ZNF831: variants seen among roughly 807,000 people sequenced by gnomAD.
The protein encoded by ZNF831 is chromosome 20 open reading frame 174.
Under a neutral mutation model 95.8 loss-of-function variants are expected in ZNF831, and 59 were observed. The observed-to-expected ratio is 0.62, with a 90% CI of 0.50 to 0.77. ZNF831 has a LOEUF of 0.77. Among genes scored for constraint, ZNF831 ranks in the 30% least tolerant of loss-of-function variants. The pLI, the probability that ZNF831 is intolerant of heterozygous loss-of-function variation, is 0.00. For missense variants in ZNF831, 2,205 were observed against 2,164.0 expected, an observed-to-expected ratio of 1.02 and a Z score of -0.38; for synonymous variants, 961 against 925.5, an observed-to-expected ratio of 1.04 and a Z score of -0.70.
intron 4 of ZNF831, among the ~76,000 whole-genome samples, chr20:59,230,398 G>A (rs1379236823): frequency 6.6e-6 from 1 of 152,122 alleles, no homozygotes; most frequent in Non-Finnish European, 1.5e-5. Context: ...CTTGAACCCA[G>A]GAGATGGAGG....
chr20:59,164,729 A>G (rs1395386615), intron 1 of ZNF831, among the ~76,000 whole-genome samples: 1 of 152,216 alleles, frequency 6.6e-6, no homozygotes, highest in Non-Finnish European at 1.5e-5. Flanking sequence ...GAGATTTACA[A>G]GGGCCAATAG....
intron 4 of ZNF831, among the ~76,000 whole-genome samples, chr20:59,222,473 G>C (rs961149066): frequency 6.6e-6 from 1 of 151,916 alleles, no homozygotes; most frequent in Non-Finnish European, 1.5e-5. Flanking sequence ...GAGAAGAAAG[G>C]CTCTGTTTTT....
At position 59,124,178 on chromosome 20, in the gene ZNF831, C is replaced by T. The variant is rs192534788; in HGVS notation, c.-1425+673C>T. On this transcript the variant is annotated intron_variant, in intron 1 of 7. Transcript: ENST00000637017. ...CTTCCTATGGCCGTTTCTTTTCCCT[C>T]GGTTCTGAACGGGAGGAGGACACTG... Among the ~76,000 whole-genome samples, 268 of 152,252 alleles carry T rather than the reference C, an allele frequency of 1.8e-3. 2 individuals are homozygous for T. The highest frequency in any genetic ancestry group is 5.9e-3 in the African/African-American group (245 of 41,556).
intron 2 of ZNF831, among the ~76,000 whole-genome samples, chr20:59,150,360 G>T (rs554642809): frequency 2.4e-4 from 36 of 152,284 alleles, no homozygotes; most frequent in South Asian, 1.4e-3. Flanking sequence ...TGGACCTCGG[G>T]TCACAGGTAG....
chr20:59,158,158 T>A (rs1460411485), intron 2 of ZNF831, among the ~76,000 whole-genome samples: 1 of 152,182 alleles, frequency 6.6e-6, no homozygotes, highest in African/African-American at 2.4e-5. Flanking sequence ...CCTCAGGCGC[T>A]TTCATTATCT....
intron 3 of ZNF831, among the ~76,000 whole-genome samples, chr20:59,201,327 GTTGT>G (rs1984519241): frequency 1.3e-5 from 2 of 152,078 alleles, no homozygotes; most frequent in Non-Finnish European, 2.9e-5. Context: ...TCAAAAATGG[GTTGT>G]TTTCTTATTG....
At chr20:59,163,018 TGTGTGTGTGTGTG>T (rs1980976600), upstream of ZNF831, among the ~76,000 whole-genome samples, 6 of 136,100 alleles carry the variant, frequency 4.4e-5, no homozygotes, top group South Asian at 4.5e-4. Context: ...TTCCTAGGTG[TGTGTGTGTGTGTG>T]TGTGTGTGTG....
intron 2 of ZNF831, among the ~76,000 whole-genome samples, chr20:59,148,437 T>A (rs1157166416): frequency 8.6e-6 from 1 of 116,668 alleles, no homozygotes; most frequent in African/African-American, 3.4e-5. Flanking sequence ...ATCCCAGCAC[T>A]TTGGGAGGCC....
Position 59,193,836 on chromosome 20 carries a change from C to T in ZNF831, c.2817C>T (p.Pro939=), listed in dbSNP as rs550070909. 1.7e-5 allele frequency: 27 copies of T among 1,613,324 alleles called. No individual in the cohort carries two copies. The East Asian group carries it at 5.8e-4, about 35-fold the overall frequency. ...CCCTGGCAGATAATGCCTTTTCCCCCAAGTACCTCCTCAGGTTACCTCAGG... is the reference window on the plus strand; with the variant it reads ...CCCTGGCAGATAATGCCTTTTCCCCTAAGTACCTCCTCAGGTTACCTCAGG... ...LSALADNAFS[P]KYLLRLPQAE... The change falls in exon 2 of 6, where the codon CCC becomes CCT. Residue 939 remains proline (P), a synonymous_variant. Coordinates refer to ENST00000371030, the MANE Select transcript of ZNF831 (RefSeq NM_178457.3).
intron 4 of ZNF831, among the ~76,000 whole-genome samples, chr20:59,220,120 T>G (rs2146670478): frequency 6.6e-6 from 1 of 152,274 alleles, no homozygotes; most frequent in East Asian, 1.9e-4. Context: ...CATATTTGAG[T>G]TGGAAGACCC....
intron 4 of ZNF831, among the ~76,000 whole-genome samples, chr20:59,220,339 C>T (rs533891020): frequency 1.2e-4 from 19 of 152,312 alleles, no homozygotes; most frequent in African/African-American, 3.4e-4. Context: ...GTGCGCCTTG[C>T]GGGGTCTGTT....
rs1381569060 is a variant in ZNF831 at position 59,257,570 on chromosome 20, T to A, written c.*2827T>A. Reference sequence around the variant, plus strand: ...CCAGTTTGGGTTACTAAAAATAAAATGTCAGTATTATCAATTGATAACTAC... The same window carrying A: ...CCAGTTTGGGTTACTAAAAATAAAAAGTCAGTATTATCAATTGATAACTAC... On this transcript the variant is annotated 3_prime_UTR_variant, in exon 6 of 6. Transcript: ENST00000371030. The A allele has an allele frequency of 6.6e-6, 1 of 152,192 alleles. No individual in the cohort carries two copies. The highest frequency in any genetic ancestry group is 1.9e-4 in the East Asian group (1 of 5,188). The allele number at this position is 152,192 out of a possible 1,614,324, so 9.4% of individuals were successfully genotyped here.
chr20:59,194,097 G>A lies in ZNF831; in HGVS notation c.3078G>A (p.Lys1026=), dbSNP rs1005652495. 3.2e-6 allele frequency: 5 copies of A among 1,547,290 alleles called. No homozygotes were observed. The African/African-American group carries it at 6.8e-5, about 21-fold the overall frequency. Residue 1026 remains lysine (K), a synonymous_variant, in exon 2 of 6, where the codon AAG becomes AAA. Coordinates refer to ENST00000371030, the MANE Select transcript of ZNF831 (RefSeq NM_178457.3). ...AAGGGGCACAGTTGGGGGGGGACAA[G>A]GGGGACAGGATGGCCACTAGCAGGC... The part of the protein sequence containing the change: ...GRKGAQLGGD[K]GDRMATSRPA...
intron 4 of ZNF831, among the ~76,000 whole-genome samples, chr20:59,232,271 GA>G (rs11475310): frequency 0.32 from 48,629 of 151,886 alleles, 9,327 homozygotes; most frequent in African/African-American, 0.54. Context: ...TTTTAAAGAA[GA>G]AAAAAACCGC....
At chr20:59,151,529 A>T (rs1202905110) in intron 2 of ZNF831, among the ~76,000 whole-genome samples, 1 of 152,192 alleles carries the variant, frequency 6.6e-6, no homozygotes, top group South Asian at 2.1e-4. Context: ...CTCGAGGCTT[A>T]GAAAGGTAAA....
At chr20:59,174,670 G>A (rs556721918) in intron 1 of ZNF831, among the ~76,000 whole-genome samples, 199 of 151,958 alleles carry the variant, frequency 1.3e-3, no homozygotes, top group African/African-American at 4.6e-3. Context: ...ATCCATGTAC[G>A]CACCACTGAT....
At chr20:59,232,600 T>G (rs73915986) in intron 4 of ZNF831, among the ~76,000 whole-genome samples, 2,498 of 152,226 alleles carry the variant, frequency 0.016, 70 homozygotes, top group African/African-American at 0.057. Context: ...GGGATTGTAT[T>G]TGAGATTTTG....
intron 4 of ZNF831, among the ~76,000 whole-genome samples, chr20:59,242,503 A>G (rs547567993): frequency 6.6e-6 from 1 of 152,354 alleles, no homozygotes; most frequent in Non-Finnish European, 1.5e-5. Context: ...TCTAGGCACA[A>G]ATATTAACGA....
chr20:59,209,779 A>C lies in ZNF831; in HGVS notation c.4027+2723A>C, dbSNP rs1028508115. ...CTGGGGCCTCCAGCTATTTCCTGCT[A>C]TTTCCTTGGTTTGTTGCCTCATCTA... On this transcript the variant is annotated intron_variant, in intron 4 of 5. Transcript: ENST00000371030. 1.3e-4 allele frequency among the ~76,000 whole-genome samples: 17 copies of C among 135,052 alleles called. No homozygotes were observed. The East Asian group carries it at 3.8e-3, about 30-fold the overall frequency. 88.6% of individuals were successfully genotyped at this position (135,052 alleles called of 152,430 possible).
Sources: allele counts gnomAD v4.1 joint callset (sites outside exome capture counted in the v4.1 genomes callset), GRCh38; gene constraint gnomAD v4.1.1; transcripts MANE v1.5; gene names NCBI Gene and HGNC (gene_info 2026-07-23, HGNC 2026-07-21).